Variants in MCTP1 observed in about 807,000 individuals in gnomAD.
MCTP1 encodes the protein multiple C2 and transmembrane domain-containing protein 1.
MCTP1 carries 69 observed loss-of-function variants against 120.6 expected under a neutral mutation model. The observed-to-expected ratio is 0.57, with a 90% CI of 0.47 to 0.70. MCTP1 has a LOEUF of 0.70. Ranked by LOEUF, MCTP1 falls within the 30% of genes least tolerant of loss-of-function variation. MCTP1 has a pLI of 0.00. For missense variants in MCTP1, 1,203 were observed against 1,248.8 expected (o/e 0.96, Z 0.55); for synonymous variants, 529 against 493.1 (o/e 1.07, Z -0.96).
At chr5:94,830,522 T>C (rs1422535325) in intron 17 of MCTP1, among the ~76,000 whole-genome samples, 2 of 152,250 alleles carry the variant, frequency 1.3e-5, no homozygotes, top group African/African-American at 4.8e-5. Context: ...GAGGTGTCTA[T>C]CAATTTACCA....
chr5:95,270,145 T>G (rs1481803610), intron 1 of MCTP1, among the ~76,000 whole-genome samples: 1 of 152,184 alleles, frequency 6.6e-6, no homozygotes, highest in Non-Finnish European at 1.5e-5. Context: ...AATAATTTTT[T>G]TTTAAGTAGA....
At chr5:95,141,678 T>C (rs1759942603) in intron 1 of MCTP1, among the ~76,000 whole-genome samples, 1 of 152,204 alleles carries the variant, frequency 6.6e-6, no homozygotes, top group Admixed American at 6.5e-5. Flanking sequence ...TTCTCCTTGC[T>C]CTCCCTACCC....
chr5:94,800,711 A>G (rs1471435016), intron 17 of MCTP1, among the ~76,000 whole-genome samples: 3 of 152,294 alleles, frequency 2.0e-5, no homozygotes, highest in African/African-American at 7.2e-5. Context: ...ATGTGACATT[A>G]AATTTTGAAA....
intron 17 of MCTP1, among the ~76,000 whole-genome samples, chr5:94,860,340 CATA>C (rs2153232185): frequency 6.6e-6 from 1 of 151,808 alleles, no homozygotes; most frequent in Admixed American, 6.6e-5. Flanking sequence ...ATCAAACCCT[CATA>C]ATGACAGAAG....
At chr5:94,877,401 T>C (rs966847225) in intron 12 of MCTP1, among the ~76,000 whole-genome samples, 1 of 151,424 alleles carries the variant, frequency 6.6e-6, no homozygotes, top group Non-Finnish European at 1.5e-5. Context: ...TGGATCTTTG[T>C]TTTTTTTTAA....
intron 1 of MCTP1, among the ~76,000 whole-genome samples, chr5:95,180,132 G>C (rs1748444383): frequency 6.6e-6 from 1 of 152,146 alleles, no homozygotes; most frequent in Non-Finnish European, 1.5e-5. Context: ...TAACACTGGA[G>C]CTCCCAAATT....
chr5:94,761,471 TAA>T (rs1172767466), intron 19 of MCTP1, among the ~76,000 whole-genome samples: 1 of 152,124 alleles, frequency 6.6e-6, no homozygotes, highest in East Asian at 1.9e-4. Flanking sequence ...AAAACAAAAA[TAA>T]ATATGCACAG....
chr5:94,798,948 T>G, intron 18 of MCTP1, 65 bp downstream of exon 18: 3 of 1,530,914 alleles, frequency 2.0e-6, no homozygotes, highest in Non-Finnish European at 8.8e-7. Flanking sequence ...AATTCAATGT[T>G]GATCTTGTCA....
At chr5:94,874,964 C>T (rs1278019506) in intron 12 of MCTP1, among the ~76,000 whole-genome samples, 19 of 152,062 alleles carry the variant, frequency 1.2e-4, no homozygotes, top group Non-Finnish European at 4.4e-5. Flanking sequence ...TTTTGACTGT[C>T]GGTTCAATCA....
chr5:95,082,371 T>C (rs1019852755), intron 1 of MCTP1, among the ~76,000 whole-genome samples: 1 of 152,178 alleles, frequency 6.6e-6, no homozygotes, highest in African/African-American at 2.4e-5. Context: ...TTAAGCTTGA[T>C]CAAATATTGA....
At chr5:95,058,077 T>C (rs1305401747) in intron 1 of MCTP1, among the ~76,000 whole-genome samples, 1 of 152,234 alleles carries the variant, frequency 6.6e-6, no homozygotes, top group African/African-American at 2.4e-5. Flanking sequence ...GAAATCCTTT[T>C]CAACTCAGGA....
At chr5:95,176,868 C>T (rs2152507169) in intron 1 of MCTP1, among the ~76,000 whole-genome samples, 1 of 151,528 alleles carries the variant, frequency 6.6e-6, no homozygotes, top group South Asian at 2.1e-4. Context: ...ATATATATAC[C>T]TACATTTTTT....
rs150655266 is a variant in MCTP1, at chr5:95,279,747, C to T, written c.720+4109G>A. On this transcript the variant is annotated intron_variant, in intron 1 of 22. Coordinates refer to ENST00000515393, the MANE Select transcript of MCTP1 (RefSeq NM_024717.7). Reference sequence around the variant, plus strand: ...AAGTAAAGGTTAAAGGGAAATATGTCATCCTCTTTACTCCCTTTCTTTGGA... The same window carrying T: ...AAGTAAAGGTTAAAGGGAAATATGTTATCCTCTTTACTCCCTTTCTTTGGA... 1.7e-3 allele frequency among the ~76,000 whole-genome samples: 254 copies of T among 152,286 alleles called. 1 individual carries two copies. The highest frequency in any genetic ancestry group is 5.7e-3 in the African/African-American group (239 of 41,566).
At chr5:94,882,660 C>T (rs1800377880) in intron 12 of MCTP1, among the ~76,000 whole-genome samples, 1 of 152,140 alleles carries the variant, frequency 6.6e-6, no homozygotes, top group African/African-American at 2.4e-5. Context: ...TTTCTTTACT[C>T]AAAGGATCAT....
chr5:95,083,516 C>G (rs1227073052), intron 1 of MCTP1, among the ~76,000 whole-genome samples: 1 of 152,176 alleles, frequency 6.6e-6, no homozygotes, highest in Non-Finnish European at 1.5e-5. Flanking sequence ...CCACGCTGGT[C>G]TAGTAAGCAT....
intron 19 of MCTP1, among the ~76,000 whole-genome samples, chr5:94,760,608 C>G (rs1250969133): frequency 2.0e-5 from 3 of 152,054 alleles, no homozygotes; most frequent in African/African-American, 7.2e-5. Flanking sequence ...ACATATGCTA[C>G]CTATGTACAG....
At chr5:94,805,802 G>C (rs1782149633) in intron 17 of MCTP1, among the ~76,000 whole-genome samples, 1 of 148,928 alleles carries the variant, frequency 6.7e-6, no homozygotes, top group African/African-American at 2.5e-5. Flanking sequence ...TCTGAAGCAA[G>C]TCTGAGTGGC....
chr5:95,170,245 T>A (rs1166070490), intron 1 of MCTP1, among the ~76,000 whole-genome samples: 2 of 152,212 alleles, frequency 1.3e-5, no homozygotes, highest in Non-Finnish European at 2.9e-5. Flanking sequence ...TCATCCAGAG[T>A]TCTAGTTTGA....
intron 1 of MCTP1, among the ~76,000 whole-genome samples, chr5:95,277,387 G>A (rs1759938259): frequency 6.6e-6 from 1 of 152,180 alleles, no homozygotes; most frequent in Non-Finnish European, 1.5e-5. Context: ...ACCAGCTGGT[G>A]GAAGAGGGGA....
Sources: gnomAD v4.1 joint callset for allele counts (sites outside exome capture counted in the v4.1 genomes callset) on GRCh38, gnomAD v4.1.1 for gene constraint, MANE v1.5 for transcripts, NCBI Gene and HGNC (gene_info 2026-07-23, HGNC 2026-07-21) for gene names.